GSE1: variants seen among roughly 807,000 people sequenced by gnomAD.
GSE1 encodes the protein genetic suppressor element 1.
In GSE1, 32 loss-of-function variants were observed where a neutral mutation model predicts 112.6. The ratio of observed to expected loss-of-function variants is 0.28; its 90% CI spans 0.21 to 0.38. The LOEUF (loss-of-function observed/expected upper bound fraction) is 0.38. GSE1 is among the 10% of genes least tolerant of loss of function. The pLI is 1.00. For synonymous variants in GSE1, 1,115 were observed against 735.6 expected, an observed-to-expected ratio of 1.52 and a Z score of -8.35; for missense variants, 2,348 against 1,699.2, an observed-to-expected ratio of 1.38 and a Z score of -6.71.
chr16:85,265,563 C>G (rs1172718704), intron 1 of GSE1, among the ~76,000 whole-genome samples: 1 of 152,172 alleles, frequency 6.6e-6, no homozygotes, highest in African/African-American at 2.4e-5. Flanking sequence ...GGTCAAACTC[C>G]TCATCTCGGG....
At chr16:85,337,157 C>T (rs2046508134) in intron 1 of GSE1, among the ~76,000 whole-genome samples, 1 of 152,228 alleles carries the variant, frequency 6.6e-6, no homozygotes, top group South Asian at 2.1e-4. Flanking sequence ...CTGTGTCCCC[C>T]ATCACACCAG....
chr16:85,281,166 A>G (rs1001557760), intron 1 of GSE1, among the ~76,000 whole-genome samples: 1 of 152,170 alleles, frequency 6.6e-6, no homozygotes, highest in African/African-American at 2.4e-5. Flanking sequence ...AGAGCTGGAC[A>G]TGATCTTCCA....
chr16:85,236,229 C>A (rs1264752000), intron 1 of GSE1, among the ~76,000 whole-genome samples: 1 of 152,154 alleles, frequency 6.6e-6, no homozygotes, highest in Non-Finnish European at 1.5e-5. Flanking sequence ...AAACTGAGGC[C>A]CGGAGGGGTG....
At chr16:85,389,594 C>G (rs926954194) in intron 2 of GSE1, among the ~76,000 whole-genome samples, 1 of 152,148 alleles carries the variant, frequency 6.6e-6, no homozygotes, top group African/African-American at 2.4e-5. Flanking sequence ...GTGGCCATGT[C>G]TCTGCTTCTG....
At chr16:85,388,468 GTGGA>G (rs1229253367) in intron 2 of GSE1, among the ~76,000 whole-genome samples, 70 of 129,320 alleles carry the variant, frequency 5.4e-4, no homozygotes, top group South Asian at 1.4e-3. Flanking sequence ...AGATGGGTGA[GTGGA>G]TGGGTGGGTG....
intron 1 of GSE1, among the ~76,000 whole-genome samples, chr16:85,586,335 G>A (rs1393887714): frequency 6.6e-6 from 1 of 152,212 alleles, no homozygotes; most frequent in Admixed American, 6.5e-5. Flanking sequence ...GTGTTGCCTC[G>A]GACGGCGGAG....
At chr16:85,554,278 T>C (rs1478637094), upstream of GSE1, among the ~76,000 whole-genome samples, 1 of 152,156 alleles carries the variant, frequency 6.6e-6, no homozygotes, top group African/African-American at 2.4e-5. Flanking sequence ...TGGGGAATTA[T>C]CACATGGGGC....
chr16:85,573,371 T>C (rs1461864197), intron 1 of GSE1, among the ~76,000 whole-genome samples: 2 of 152,210 alleles, frequency 1.3e-5, no homozygotes, highest in African/African-American at 4.8e-5. Context: ...CATCTGTTGA[T>C]GACGTTCAGC....
Position 85,675,300 on chromosome 16 carries a change from A to G in GSE1, c.*2761A>G, listed in dbSNP as rs980438432. On this transcript the variant is annotated 3_prime_UTR_variant, in exon 16 of 16. Coordinates refer to ENST00000253458, the MANE Select transcript of GSE1 (RefSeq NM_014615.5). ...CTACATTACCTGGAAGGGAGCTGCC[A>G]TCTGTCCCTCTGCAGAGGGATACCT... 2 of 152,150 alleles carry G rather than the reference A, an allele frequency of 1.3e-5. No homozygotes were observed. Among genetic ancestry groups the G allele is most frequent in the South Asian group, 2.1e-4 (1 of 4,820 alleles). The allele number at this position is 152,150 out of a possible 1,614,324, so 9.4% of individuals were successfully genotyped here.
intron 1 of GSE1, among the ~76,000 whole-genome samples, chr16:85,630,711 G>A (rs1288309017): frequency 1.3e-5 from 2 of 152,228 alleles, no homozygotes; most frequent in Non-Finnish European, 2.9e-5. Flanking sequence ...GCCATGGTTG[G>A]GCCGTGTACT....
intron 1 of GSE1, among the ~76,000 whole-genome samples, chr16:85,172,680 C>A (rs925066054): frequency 6.6e-6 from 1 of 152,236 alleles, no homozygotes; most frequent in African/African-American, 2.4e-5. Flanking sequence ...ACAGTCAGTG[C>A]GACTTGTTTT....
intron 2 of GSE1, among the ~76,000 whole-genome samples, chr16:85,365,249 G>A (rs1001937996): frequency 3.3e-5 from 5 of 152,136 alleles, no homozygotes; most frequent in Non-Finnish European, 7.4e-5. Flanking sequence ...TAGAGATCAC[G>A]GCGTCCTGGT....
intron 1 of GSE1, among the ~76,000 whole-genome samples, chr16:85,349,943 G>A (rs192764538): frequency 4.6e-5 from 7 of 152,310 alleles, no homozygotes; most frequent in South Asian, 2.1e-4. Context: ...TGTTTACTGA[G>A]CACCTACTGT....
chr16:85,421,943 C>T (rs985539041), intron 2 of GSE1, among the ~76,000 whole-genome samples: 1 of 152,158 alleles, frequency 6.6e-6, no homozygotes, highest in African/African-American at 2.4e-5. Context: ...GAAGGGATCC[C>T]GTTCAGCCCC....
chr16:85,598,595 C>T (rs2047335311), intron 1 of GSE1, among the ~76,000 whole-genome samples: 2 of 152,270 alleles, frequency 1.3e-5, no homozygotes, highest in South Asian at 4.1e-4. Flanking sequence ...CGGGCTCCCT[C>T]AGCCACCAAG....
chr16:85,670,229 C>A (rs185574350), intron 14 of GSE1, among the ~76,000 whole-genome samples: 111 of 152,302 alleles, frequency 7.3e-4, no homozygotes, highest in African/African-American at 2.5e-3. Context: ...CCTGCAAATA[C>A]AAGGTTTGGT....
Position 85,495,943 on chromosome 16 carries a change from G to A in GSE1, c.2465-137971G>A, listed in dbSNP as rs187200926. ...ATGCCAGAGCCTGGAGACCTGGGGTGATTCATCGAGCATCCCTCGGTCTCA... is the reference window on the plus strand; with the variant it reads ...ATGCCAGAGCCTGGAGACCTGGGGTAATTCATCGAGCATCCCTCGGTCTCA... On this transcript the variant is annotated intron_variant, in intron 2 of 2. Coordinates refer to the GSE1 transcript ENST00000637419. Among the ~76,000 whole-genome samples, 135 of 152,328 alleles carry A rather than the reference G, an allele frequency of 8.9e-4. 1 individual carries two copies. The highest frequency in any genetic ancestry group is 6.8e-3 in the Middle Eastern group (2 of 294).
At chr16:85,509,588 A>C (rs1254525619) in intron 2 of GSE1, among the ~76,000 whole-genome samples, 1 of 152,330 alleles carries the variant, frequency 6.6e-6, no homozygotes, top group African/African-American at 2.4e-5. Context: ...CGGGTGCCTG[A>C]TGACTGTGGA....
chr16:85,575,844 T>G (rs986506951), intron 1 of GSE1, among the ~76,000 whole-genome samples: 1 of 152,142 alleles, frequency 6.6e-6, no homozygotes, highest in African/African-American at 2.4e-5. Flanking sequence ...ATGGTTATAT[T>G]TGTTTTAGCT....
Sources: allele counts gnomAD v4.1 joint callset (sites outside exome capture counted in the v4.1 genomes callset), GRCh38; gene constraint gnomAD v4.1.1; transcripts MANE v1.5; gene names NCBI Gene and HGNC (gene_info 2026-07-23, HGNC 2026-07-21).